BEGAIN: variants seen among roughly 807,000 people sequenced by gnomAD.
BEGAIN encodes brain-enriched guanylate kinase-associated protein.
In BEGAIN, 19 loss-of-function variants were observed where a neutral mutation model predicts 35.8. That is an observed-to-expected ratio of 0.53 (90% CI 0.37 to 0.78). BEGAIN has a LOEUF of 0.78. Ranked by LOEUF, BEGAIN falls within the 30% of genes least tolerant of loss-of-function variation. The probability of loss-of-function intolerance (pLI) is 0.00; values close to 1 mark genes in which losing one functional copy is unlikely to be tolerated. For missense variants in BEGAIN, 795 were observed against 853.6 expected (o/e 0.93, Z 0.85); for synonymous variants, 462 against 388.6 (o/e 1.19, Z -2.22).
chr14:100,572,677 C>G (rs1481231914), intron 1 of BEGAIN, among the ~76,000 whole-genome samples: 1 of 152,128 alleles, frequency 6.6e-6, no homozygotes, highest in Admixed American at 6.5e-5. Context: ...GGGCAGGGCT[C>G]TCAACCTCTC....
At chr14:100,572,121 C>T (rs1264006880) in intron 1 of BEGAIN, among the ~76,000 whole-genome samples, 1 of 152,166 alleles carries the variant, frequency 6.6e-6, no homozygotes, top group Non-Finnish European at 1.5e-5. Flanking sequence ...CTAACACCAT[C>T]CGCGTCCCTT....
rs1259318721 is a variant in BEGAIN at position 100,539,325 on chromosome 14, G to C, written c.493-10C>G. On this transcript the variant is annotated splice_polypyrimidine_tract_variant and intron_variant, in intron 6 of 6. Coordinates refer to ENST00000554140, the MANE Select transcript of BEGAIN (RefSeq NM_001385089.1). The stretch of plus-strand genomic sequence containing the variant: ...GGAAATCCGAGGGCAGCTGGAACGG[G>C]TGCGAGGAGGGGGACGGCGGGTACA... The C allele has an allele frequency of 6.5e-7, 1 of 1,538,888 alleles. No homozygotes were observed. Among genetic ancestry groups the C allele is most frequent in the East Asian group, 2.3e-5 (1 of 44,178 alleles).
chr14:100,581,908 G>T (rs1312056620), intron 1 of BEGAIN, among the ~76,000 whole-genome samples: 2 of 152,252 alleles, frequency 1.3e-5, no homozygotes, highest in Non-Finnish European at 2.9e-5. Context: ...GGGCAGGCAT[G>T]CCGGGCTTCT....
At chr14:100,584,378 C>A (rs2035389754) in intron 1 of BEGAIN, among the ~76,000 whole-genome samples, 1 of 152,196 alleles carries the variant, frequency 6.6e-6, no homozygotes, top group Non-Finnish European at 1.5e-5. Flanking sequence ...GAGTTCCCTT[C>A]CTGGCTAGAG....
At chr14:100,569,020 G>A (rs890183355) in intron 1 of BEGAIN, 1 of 885,068 alleles carries the variant, frequency 1.1e-6, no homozygotes, top group Non-Finnish European at 1.4e-6. Flanking sequence ...CCCGCCGGGC[G>A]AGGGCGCAGC....
Position 100,543,808 on chromosome 14 carries a change from G to A in BEGAIN, c.408+50C>T, listed in dbSNP as rs573562045. ...TCCCAGTGCATCCTGGGAAGCCCTCGCCTAGGCCCACCGGCAGTCTTCCAT... is the reference window on the plus strand; with the variant it reads ...TCCCAGTGCATCCTGGGAAGCCCTCACCTAGGCCCACCGGCAGTCTTCCAT... On this transcript the variant is annotated intron_variant, in intron 5 of 6. Transcript: ENST00000554140. The A allele has an allele frequency of 3.4e-6, 5 of 1,462,990 alleles. No homozygotes were observed. In the African/African-American group the frequency reaches 4.2e-5, roughly 12 times the overall value. 90.6% of individuals were successfully genotyped at this position (1,462,990 alleles called of 1,614,324 possible). A position where few individuals can be genotyped will look rare whatever the true frequency, so the allele number is the denominator to read the frequency against.
intron 2 of BEGAIN, chr14:100,550,338 G>A (rs942442016): frequency 7.5e-6 from 3 of 398,446 alleles, no homozygotes; most frequent in African/African-American, 6.2e-5. Flanking sequence ...CTGTCTCGGG[G>A]AGTTGGACAC....
chr14:100,568,441 TCA>T lies in BEGAIN; in HGVS notation c.43-504_43-503del. 3 of 1,283,766 alleles carry T rather than the reference TCA, an allele frequency of 2.3e-6. No individual in the cohort carries two copies. The highest frequency in any genetic ancestry group is 3.0e-6 in the Non-Finnish European group (3 of 985,858). 79.5% of individuals were successfully genotyped at this position (1,283,766 alleles called of 1,614,324 possible). On this transcript the variant is annotated intron_variant, in intron 1 of 6. Coordinates refer to ENST00000554140, the MANE Select transcript of BEGAIN (RefSeq NM_001385089.1). The surrounding 1 kb of genome is among the most constrained non-coding windows in gnomAD (Gnocchi z 7.5). Reference sequence around the variant, plus strand: ...CGTGCAGGATTGCAGAACCTGACACTCACACAATCCGAGGGCGATGGCATTTG... The same window carrying T: ...CGTGCAGGATTGCAGAACCTGACACTCACAATCCGAGGGCGATGGCATTTG...
chr14:100,577,652 C>T (rs1323243739), intron 1 of BEGAIN: 2 of 398,988 alleles, frequency 5.0e-6, no homozygotes, highest in Non-Finnish European at 4.4e-6. Context: ...CGCCAGCGGC[C>T]CAGGCGTGCG....
At chr14:100,554,712 C>T (rs574685220) in intron 2 of BEGAIN, among the ~76,000 whole-genome samples, 9 of 152,116 alleles carry the variant, frequency 5.9e-5, no homozygotes, top group Non-Finnish European at 1.2e-4. Flanking sequence ...CACCCTGGCC[C>T]CCAAAACTGT....
chr14:100,557,938 C>T (rs1221497815), intron 2 of BEGAIN, among the ~76,000 whole-genome samples: 1 of 152,188 alleles, frequency 6.6e-6, no homozygotes, highest in African/African-American at 2.4e-5. Flanking sequence ...CACCTACCAG[C>T]ATCTGCCCCG....
At chr14:100,560,580 C>T (rs926746955) in intron 2 of BEGAIN, among the ~76,000 whole-genome samples, 1 of 152,132 alleles carries the variant, frequency 6.6e-6, no homozygotes, top group Non-Finnish European at 1.5e-5. Context: ...CAGCCCCTCA[C>T]ACTCCAGCCA....
chr14:100,538,667 C>A lies in BEGAIN; in HGVS notation c.1141G>T (p.Ala381Ser), dbSNP rs1429176578. The A allele has an allele frequency of 6.4e-7, 1 of 1,550,678 alleles. No homozygotes were observed. Among genetic ancestry groups the A allele is most frequent in the Non-Finnish European group, 8.7e-7 (1 of 1,147,016 alleles). Residue 381 changes from alanine to serine, a missense_variant, in exon 7 of 7, where the codon GCC becomes TCC. Around this residue, in one of 3 missense-constraint regions of BEGAIN, gnomAD observed 664 missense variants for 647.7 expected, o/e 1.03. Transcript: ENST00000554140. ...ATAAVAAPLE[A>S]EVAPGFGRTM... ...CGCCCGAAGCCTGGGGCCACTTCGG[C>A]CTCCAGCGGGGCCGCCACCGCGGCC...
intron 1 of BEGAIN, among the ~76,000 whole-genome samples, chr14:100,579,410 T>C (rs1279219905): frequency 6.6e-6 from 1 of 152,156 alleles, no homozygotes; most frequent in African/African-American, 2.4e-5. Context: ...CCCTCCATCA[T>C]TTGTGTGAAG....
Position 100,540,549 on chromosome 14 carries a change from C to T in BEGAIN, c.439G>A (p.Ala147Thr), listed in dbSNP as rs766325807. ...GTCTGGCTGCACTGCAGCAGCTGGG[C>T]CGCTAGATTGCAGTCCTTCCTATAG... is the stretch of plus-strand genomic sequence containing the variant. Reference protein sequence around the residue: ...ELYRKDCNLAAQLLQCSQTYG... With the variant: ...ELYRKDCNLATQLLQCSQTYG... Residue 147 changes from alanine to threonine, a missense_variant, in exon 6 of 7, where the codon GCC (alanine) becomes ACC (threonine). Around this residue, in one of 3 missense-constraint regions of BEGAIN, gnomAD observed 73 missense variants for 143.2 expected, o/e 0.51. Transcript: ENST00000554140. 6.2e-7 allele frequency: 1 copy of T among 1,607,580 alleles called. No individual in the cohort carries two copies. The highest frequency in any genetic ancestry group is 1.1e-5 in the South Asian group (1 of 89,766).
Position 100,568,977 on chromosome 14 carries a change from C to T in BEGAIN, c.43-1038G>A, listed in dbSNP as rs1037411465. On this transcript the variant is annotated intron_variant, in intron 1 of 6. Transcript: ENST00000554140. This position sits in a 1 kb window ranked among gnomAD's most constrained non-coding sequence, Gnocchi z 7.5. ...GCGTCCGCCGGGAGCGCGCTCCGCT[C>T]GGGTCCGGGCCCCACGCCGCCTCCC... 1 of 981,854 alleles carries T rather than the reference C, an allele frequency of 1.0e-6. No homozygotes were observed. The highest frequency in any genetic ancestry group is 1.2e-6 in the Non-Finnish European group (1 of 827,984). 60.8% of individuals were successfully genotyped at this position (981,854 alleles called of 1,614,324 possible).
chr14:100,581,840 C>T (rs1172782547), intron 1 of BEGAIN, among the ~76,000 whole-genome samples: 1 of 152,284 alleles, frequency 6.6e-6, no homozygotes, highest in Non-Finnish European at 1.5e-5. Flanking sequence ...TGCCCACTGT[C>T]TGCTGGGATT....
chr14:100,551,407 G>C (rs1197650113), intron 2 of BEGAIN, among the ~76,000 whole-genome samples: 1 of 152,190 alleles, frequency 6.6e-6, no homozygotes, highest in African/African-American at 2.4e-5. Context: ...TAGAGGGGCT[G>C]GTTCCATCAA....
chr14:100,567,866 C>G lies in BEGAIN; in HGVS notation c.71+45G>C, dbSNP rs1281941886. On this transcript the variant is annotated intron_variant, in intron 2 of 6. Transcript: ENST00000554140. The surrounding 1 kb of genome is among the most constrained non-coding windows in gnomAD (Gnocchi z 5.1). ...CCGCCTTCCCCAGCGCCCTCACCCCCGACCCGGCCCCCGCGAGCCGCGGCA... is the reference window on the plus strand; with the variant it reads ...CCGCCTTCCCCAGCGCCCTCACCCCGGACCCGGCCCCCGCGAGCCGCGGCA... The G allele has an allele frequency of 3.4e-6, 5 of 1,460,860 alleles. No homozygotes were observed. The highest frequency in any genetic ancestry group is 4.6e-6 in the Non-Finnish European group (5 of 1,097,228). 90.5% of individuals were successfully genotyped at this position (1,460,860 alleles called of 1,614,324 possible). A position where few individuals can be genotyped will look rare whatever the true frequency, so the allele number is the denominator to read the frequency against.
Sources: allele counts gnomAD v4.1 joint callset (sites outside exome capture counted in the v4.1 genomes callset), GRCh38; gene constraint gnomAD v4.1.1; regional missense constraint gnomAD v4.1.1; non-coding constraint Gnocchi (gnomAD v3.1); transcripts MANE v1.5; gene names NCBI Gene and HGNC (gene_info 2026-07-23, HGNC 2026-07-21).